The following MDGA2 variants were observed in gnomAD, a reference collection of about 807,000 sequenced individuals.
The protein encoded by MDGA2 is MAM domain-containing glycosylphosphatidylinositol anchor protein 2.
MDGA2 carries 40 observed loss-of-function variants against 117.8 expected under a neutral mutation model. The observed-to-expected ratio is 0.34, with a 90% confidence interval of 0.26 to 0.44. The LOEUF (loss-of-function observed/expected upper bound fraction) is 0.44, where lower values mean the gene tolerates loss of function less well. Among genes scored for constraint, MDGA2 ranks in the 20% least tolerant of loss-of-function variants. The pLI, the probability that MDGA2 is intolerant of heterozygous loss-of-function variation, is 1.00. For synonymous variants in MDGA2, 452 were observed against 439.0 expected, an observed-to-expected ratio of 1.03 and a Z score of -0.37; for missense variants, 1,123 against 1,250.6, an observed-to-expected ratio of 0.90 and a Z score of 1.54.
chr14:47,329,461 G>C (rs940231112), intron 1 of MDGA2, among the ~76,000 whole-genome samples: 1 of 152,088 alleles, frequency 6.6e-6, no homozygotes, highest in Non-Finnish European at 1.5e-5. Flanking sequence ...TAGAACGATA[G>C]GTGCTCTGCC....
At chr14:47,285,718 C>T (rs1311576092) in intron 2 of MDGA2, among the ~76,000 whole-genome samples, 1 of 152,072 alleles carries the variant, frequency 6.6e-6, no homozygotes, top group Non-Finnish European at 1.5e-5. Context: ...TTCCTACAGG[C>T]ATTGAGGTAT....
At chr14:47,074,361 G>A (rs1211722429) in intron 6 of MDGA2, among the ~76,000 whole-genome samples, 1 of 151,218 alleles carries the variant, frequency 6.6e-6, no homozygotes, top group African/African-American at 2.4e-5. Flanking sequence ...AGTGCAGTGC[G>A]GTGGCGCGAT....
chr14:47,638,875 C>G (rs1271297165), intron 1 of MDGA2, among the ~76,000 whole-genome samples: 1 of 152,168 alleles, frequency 6.6e-6, no homozygotes, highest in Non-Finnish European at 1.5e-5. Flanking sequence ...CCTCACACAA[C>G]TGGGCCCTGG....
intron 3 of MDGA2, among the ~76,000 whole-genome samples, chr14:47,209,308 C>T (rs1885799701): frequency 6.6e-6 from 1 of 152,096 alleles, no homozygotes; most frequent in African/African-American, 2.4e-5. Flanking sequence ...GTTAACATTG[C>T]AAACTGACAG....
chr14:47,198,078 A>G (rs891004070), intron 3 of MDGA2, among the ~76,000 whole-genome samples: 2 of 152,158 alleles, frequency 1.3e-5, no homozygotes, highest in Admixed American at 6.5e-5. Context: ...AAAAATATTC[A>G]TAGCCATGTA....
intron 10 of MDGA2, among the ~76,000 whole-genome samples, chr14:46,900,822 G>T (rs77851399): frequency 0.037 from 5,558 of 152,150 alleles, 369 homozygotes; most frequent in African/African-American, 0.13. Flanking sequence ...ATGAGTGCAT[G>T]CATGTACAAT....
At chr14:46,850,561 T>C (rs1881018193) in intron 15 of MDGA2, among the ~76,000 whole-genome samples, 1 of 152,040 alleles carries the variant, frequency 6.6e-6, no homozygotes, top group East Asian at 1.9e-4. Context: ...AACTTCAGGA[T>C]ATAAATATAT....
chr14:47,476,108 G>A (rs1893830439), intron 1 of MDGA2, among the ~76,000 whole-genome samples: 1 of 152,118 alleles, frequency 6.6e-6, no homozygotes, highest in African/African-American at 2.4e-5. Flanking sequence ...ATATAAAAAT[G>A]TTCAAGCTGA....
At chr14:47,625,766 T>C (rs1177043406) in intron 1 of MDGA2, among the ~76,000 whole-genome samples, 2 of 152,224 alleles carry the variant, frequency 1.3e-5, no homozygotes, top group Admixed American at 1.3e-4. Context: ...CAAAGTTATC[T>C]TTCTAATATG....
chr14:47,460,778 AAT>A (rs1325853116), intron 1 of MDGA2, among the ~76,000 whole-genome samples: 1 of 152,150 alleles, frequency 6.6e-6, no homozygotes, highest in African/African-American at 2.4e-5. Context: ...GACAAAGGAT[AAT>A]ATGAGTATCC....
chr14:47,318,131 C>T (rs1478876382), intron 1 of MDGA2, among the ~76,000 whole-genome samples: 1 of 147,912 alleles, frequency 6.8e-6, no homozygotes, highest in East Asian at 2.0e-4. Context: ...CTGATGGTAC[C>T]TATCCCATTG....
At chr14:47,214,253 T>C (rs1031627063) in intron 3 of MDGA2, among the ~76,000 whole-genome samples, 4 of 152,114 alleles carry the variant, frequency 2.6e-5, no homozygotes, top group Admixed American at 6.6e-5. Context: ...ACAACAAAAA[T>C]TGTAATTGGT....
At chr14:47,180,669 C>T (rs1884664649) in intron 3 of MDGA2, among the ~76,000 whole-genome samples, 1 of 152,076 alleles carries the variant, frequency 6.6e-6, no homozygotes, top group African/African-American at 2.4e-5. Context: ...TAAAGTCACG[C>T]CTATAATCCA....
chr14:47,021,813 A>G (rs1228508950), intron 8 of MDGA2, among the ~76,000 whole-genome samples: 1 of 152,200 alleles, frequency 6.6e-6, no homozygotes, highest in East Asian at 1.9e-4. Context: ...AAGTCACACA[A>G]TTAAAATTGG....
rs1253510087 is a variant in MDGA2 at position 47,059,309 on chromosome 14, T to C, written c.1525+1940A>G. 3 of 1,270,386 alleles carry C rather than the reference T, an allele frequency of 2.4e-6. No homozygotes were observed. In the African/African-American group the frequency reaches 4.6e-5, roughly 19 times the overall value. The allele number at this position is 1,270,386 out of a possible 1,614,324, so 78.7% of individuals were successfully genotyped here. ...ATGGAGAAACCACATCTATCTGTAG[T>C]TAAGTGGGTACTTTCCAGGGGTAGT... On this transcript the variant is annotated intron_variant, in intron 7 of 16. Coordinates refer to ENST00000399232, the MANE Select transcript of MDGA2 (RefSeq NM_001113498.3).
At chr14:47,507,795 G>A (rs188260095) in intron 1 of MDGA2, among the ~76,000 whole-genome samples, 1 of 152,250 alleles carries the variant, frequency 6.6e-6, no homozygotes, top group African/African-American at 2.4e-5. Context: ...CTGAGATTAT[G>A]TCAATAACTG....
chr14:47,503,343 A>C (rs1894439304), intron 1 of MDGA2, among the ~76,000 whole-genome samples: 1 of 151,686 alleles, frequency 6.6e-6, no homozygotes, highest in Non-Finnish European at 1.5e-5. Context: ...GTGGCTTAGT[A>C]AAAGCAGTCC....
At chr14:47,438,866 C>G (rs1892947732) in intron 1 of MDGA2, among the ~76,000 whole-genome samples, 1 of 152,110 alleles carries the variant, frequency 6.6e-6, no homozygotes, top group African/African-American at 2.4e-5. Flanking sequence ...TTCACTGTGT[C>G]TCTTATGTGT....
In MDGA2 at chr14:47,537,573, TTAA is replaced by T. The variant is rs1415005735; in HGVS notation, c.280+136941_280+136943del. On this transcript the variant is annotated intron_variant, in intron 1 of 16. Transcript: ENST00000399232. ...ATTATCCACTGTTACCTTCTCTCTG[TTAA>T]AAAAAAAAAAAAAAAAAAAAAAAAA... 1.3e-3 allele frequency among the ~76,000 whole-genome samples: 73 copies of T among 57,092 alleles called. 6 individuals are homozygous for T. The highest frequency in any genetic ancestry group is 4.1e-3 in the African/African-American group (70 of 17,168). 37.5% of individuals were successfully genotyped at this position (57,092 alleles called of 152,430 possible).
Sources: gnomAD v4.1 joint callset for allele counts (sites outside exome capture counted in the v4.1 genomes callset) on GRCh38, gnomAD v4.1.1 for gene constraint, MANE v1.5 for transcripts, NCBI Gene and HGNC (gene_info 2026-07-23, HGNC 2026-07-21) for gene names.